WWP2: variants seen among roughly 807,000 people sequenced by gnomAD.
WWP2 encodes WW domain containing E3 ubiquitin protein ligase 2.
Under a neutral mutation model 121.0 loss-of-function variants are expected in WWP2, and 57 were observed. The observed-to-expected ratio is 0.47, with a 90% CI of 0.38 to 0.59. The LOEUF is 0.59. Among genes scored for constraint, WWP2 ranks in the 20% least tolerant of loss-of-function variants. WWP2 has a pLI of 0.00. For missense variants in WWP2, 962 were observed against 1,158.9 expected (o/e 0.83, Z 2.47); for synonymous variants, 449 against 441.3 (o/e 1.02, Z -0.22).
At chr16:69,800,753 T>C (rs2056146443) in intron 4 of WWP2, among the ~76,000 whole-genome samples, 1 of 151,338 alleles carries the variant, frequency 6.6e-6, no homozygotes, top group Non-Finnish European at 1.5e-5. Flanking sequence ...TTAGTAGACA[T>C]GAGGTTTCAC....
chr16:69,843,055 A>G (rs1597038575), intron 6 of WWP2, among the ~76,000 whole-genome samples: 1 of 152,116 alleles, frequency 6.6e-6, no homozygotes, highest in Non-Finnish European at 1.5e-5. Context: ...GGACTGGCTA[A>G]GTAGGTTATT....
At chr16:69,882,600 T>G (rs951830880) in intron 7 of WWP2, among the ~76,000 whole-genome samples, 3 of 152,050 alleles carry the variant, frequency 2.0e-5, no homozygotes, top group African/African-American at 2.4e-5. Context: ...GCTGAGACCA[T>G]GGGTGCTGTG....
chr16:69,872,821 G>A (rs191363205), intron 7 of WWP2, among the ~76,000 whole-genome samples: 21 of 152,322 alleles, frequency 1.4e-4, no homozygotes, highest in African/African-American at 5.1e-4. Context: ...CTGCTTCCCC[G>A]TAAGTGAGAC....
At chr16:69,926,432 A>G (rs2058640680) in intron 11 of WWP2, among the ~76,000 whole-genome samples, 2 of 152,178 alleles carry the variant, frequency 1.3e-5, no homozygotes, top group African/African-American at 4.8e-5. Context: ...TGCGCTCGAC[A>G]ACAAAGATGG....
chr16:69,933,942 C>G, intron 16 of WWP2, 28 bp from the exon 17 acceptor site: 1 of 1,609,286 alleles, frequency 6.2e-7, no homozygotes, highest in Non-Finnish European at 8.5e-7. Flanking sequence ...ACCCATTATT[C>G]TTGTCTTTTC....
chr16:69,793,027 C>T (rs1284151198), intron 2 of WWP2, among the ~76,000 whole-genome samples: 1 of 152,092 alleles, frequency 6.6e-6, no homozygotes, highest in Non-Finnish European at 1.5e-5. Context: ...CAATTGTAAT[C>T]ACCCAGTGGG....
At chr16:69,927,081 G>C (rs1330405874) in intron 11 of WWP2, among the ~76,000 whole-genome samples, 4 of 152,136 alleles carry the variant, frequency 2.6e-5, no homozygotes, top group African/African-American at 9.7e-5. Flanking sequence ...GCCGTGGTCA[G>C]AGTCGATACT....
At chr16:69,844,175 T>G (rs1441686883) in intron 6 of WWP2, among the ~76,000 whole-genome samples, 2 of 152,142 alleles carry the variant, frequency 1.3e-5, no homozygotes, top group African/African-American at 4.8e-5. Flanking sequence ...ACCAGTCATG[T>G]TTTCCGTGTC....
chr16:69,768,220 AT>A (rs1350952929), intron 1 of WWP2, among the ~76,000 whole-genome samples: 1 of 152,122 alleles, frequency 6.6e-6, no homozygotes, highest in Non-Finnish European at 1.5e-5. Context: ...TCTAACCAAA[AT>A]CTTTTTAGAA....
rs559419443 is a variant in WWP2, at chr16:69,817,948, AT to A, written c.340+18655del. ...TCCTCTTTTTTTTTCCCTACAGTAA[AT>A]TCCCAGGCATGCAGTCGCTGGGTCA... On this transcript the variant is annotated intron_variant, in intron 4 of 23. Coordinates refer to ENST00000359154, the MANE Select transcript of WWP2 (RefSeq NM_001270454.2). 2.2e-3 allele frequency among the ~76,000 whole-genome samples: 336 copies of A among 151,632 alleles called. 2 individuals carry two copies. Among genetic ancestry groups the A allele is most frequent in the South Asian group, 5.6e-3 (27 of 4,822 alleles).
In WWP2 at chr16:69,807,302, C is replaced by T. The variant is rs182834177; in HGVS notation, c.340+8007C>T. Among the ~76,000 whole-genome samples, 44 of 152,096 alleles carry T rather than the reference C, an allele frequency of 2.9e-4. 1 individual carries two copies. The highest frequency in any genetic ancestry group is 4.6e-4 in the African/African-American group (19 of 41,490). ...CACCTGCCTCAGTCTCCCATACTGCCGGGATTACAGGCGTGAGCCACCGTG... is the reference window on the plus strand; with the variant it reads ...CACCTGCCTCAGTCTCCCATACTGCTGGGATTACAGGCGTGAGCCACCGTG... On this transcript the variant is annotated intron_variant, in intron 4 of 23. Coordinates refer to ENST00000359154, the MANE Select transcript of WWP2 (RefSeq NM_001270454.2).
rs1353869871 is a variant in WWP2, at chr16:69,913,028, T to A, written c.1004+4178T>A. ...TTTTTTTTTTTTTTTTTTTTTTTTT[T>A]TTTTTTTTTTTTGAGACAGAATTTT... On this transcript the variant is annotated intron_variant, in intron 9 of 23. Transcript: ENST00000359154. 1.1e-3 allele frequency among the ~76,000 whole-genome samples: 42 copies of A among 37,864 alleles called. 1 individual carries two copies. Among genetic ancestry groups the A allele is most frequent in the African/African-American group, 4.0e-3 (41 of 10,364 alleles). The allele number at this position is 37,864 out of a possible 152,430, so 24.8% of individuals were successfully genotyped here.
chr16:69,869,349 C>CTT (rs113948249), intron 6 of WWP2, among the ~76,000 whole-genome samples: 42 of 141,292 alleles, frequency 3.0e-4, no homozygotes, highest in African/African-American at 8.3e-4. Flanking sequence ...CCTTTTTCTC[C>CTT]TTTTTTTTTT....
chr16:69,843,096 G>T (rs1421808238), intron 6 of WWP2, among the ~76,000 whole-genome samples: 2 of 152,124 alleles, frequency 1.3e-5, no homozygotes, highest in Non-Finnish European at 2.9e-5. Flanking sequence ...CAGGAAACTT[G>T]ACTGCTTTTT....
At chr16:69,835,622 T>C (rs1330076200) in intron 4 of WWP2, among the ~76,000 whole-genome samples, 2 of 152,188 alleles carry the variant, frequency 1.3e-5, no homozygotes, top group Admixed American at 1.3e-4. Flanking sequence ...TATTATAGTA[T>C]ATGGCTGGGT....
intron 10 of WWP2, among the ~76,000 whole-genome samples, chr16:69,924,247 G>C (rs1013883932): frequency 6.6e-6 from 1 of 152,092 alleles, no homozygotes; most frequent in East Asian, 1.9e-4. Context: ...GTGGAAGGGG[G>C]CTTGCTGGCA....
intron 8 of WWP2, among the ~76,000 whole-genome samples, chr16:69,891,106 G>T (rs2058019339): frequency 6.6e-6 from 1 of 152,188 alleles, no homozygotes; most frequent in Non-Finnish European, 1.5e-5. Flanking sequence ...CCTACCTGGA[G>T]ACTGACTAGC....
chr16:69,833,791 C>A (rs1471165920), intron 4 of WWP2, among the ~76,000 whole-genome samples: 1 of 152,162 alleles, frequency 6.6e-6, no homozygotes, highest in African/African-American at 2.4e-5. Flanking sequence ...CTTCCTCTAG[C>A]CATGCTCTAA....
chr16:69,853,008 A>T (rs2057246964), intron 6 of WWP2, among the ~76,000 whole-genome samples: 1 of 152,236 alleles, frequency 6.6e-6, no homozygotes, highest in Non-Finnish European at 1.5e-5. Context: ...AGAGCAGTTC[A>T]CAAAGGGTCT....
Sources: gnomAD v4.1 joint callset for allele counts (sites outside exome capture counted in the v4.1 genomes callset) on GRCh38, gnomAD v4.1.1 for gene constraint, MANE v1.5 for transcripts, NCBI Gene and HGNC (gene_info 2026-07-23, HGNC 2026-07-21) for gene names.